The following PDPN variants were observed in gnomAD, a reference collection of about 807,000 sequenced individuals.
PDPN encodes the protein podoplanin.
A neutral mutation model predicts 23.2 loss-of-function variants in PDPN; 12 were observed. That is an observed-to-expected ratio of 0.52 (90% confidence interval 0.33 to 0.84). The LOEUF (loss-of-function observed/expected upper bound fraction) is 0.84, where lower values mean the gene tolerates loss of function less well. PDPN is among the 40% of genes least tolerant of loss of function. The pLI is 0.02. For synonymous variants in PDPN, 77 were observed against 76.7 expected (o/e 1.00, Z -0.02); for missense variants, 199 against 212.2 (o/e 0.94, Z 0.39).
At chr1:13,593,381 G>A (rs981190215) in intron 1 of PDPN, among the ~76,000 whole-genome samples, 16 of 152,278 alleles carry the variant, frequency 1.1e-4, no homozygotes, top group African/African-American at 3.9e-4. Context: ...GAGTGCCAGA[G>A]CTAAGCACTG....
intron 2 of PDPN, among the ~76,000 whole-genome samples, chr1:13,609,237 C>G (rs1383613850): frequency 6.6e-6 from 1 of 152,112 alleles, no homozygotes; most frequent in Non-Finnish European, 1.5e-5. Flanking sequence ...ACAAGGCTAG[C>G]TTGTATTTCT....
At chr1:13,609,106 C>T (rs1640870042) in intron 2 of PDPN, among the ~76,000 whole-genome samples, 1 of 152,130 alleles carries the variant, frequency 6.6e-6, no homozygotes, top group African/African-American at 2.4e-5. Flanking sequence ...GGCTGCTTTC[C>T]TACTGTAAGA....
rs928610404 is a variant in PDPN, at chr1:13,616,665, C to T, written c.*754C>T. ...GACTCTAAGCTTGCTCCCACCTGCCCCCTCCACTTCCCTCAGATGATGAGG... is the reference window on the plus strand; with the variant it reads ...GACTCTAAGCTTGCTCCCACCTGCCTCCTCCACTTCCCTCAGATGATGAGG... On this transcript the variant is annotated 3_prime_UTR_variant, in exon 6 of 6. Transcript: ENST00000621990. The T allele has an allele frequency of 5.9e-5, 9 of 152,352 alleles. No individual in the cohort carries two copies. Among genetic ancestry groups the T allele is most frequent in the African/African-American group, 1.2e-4 (5 of 41,454 alleles). The allele number at this position is 152,352 out of a possible 1,614,324, so 9.4% of individuals were successfully genotyped here.
chr1:13,585,611 T>A (rs1235706147), intron 1 of PDPN: 15 of 1,351,956 alleles, frequency 1.1e-5, no homozygotes, highest in Non-Finnish European at 1.5e-5. Flanking sequence ...TAGCTGTGAT[T>A]CCCTTCAGCC....
chr1:13,587,892 G>A (rs984969062), intron 1 of PDPN, among the ~76,000 whole-genome samples: 1 of 152,210 alleles, frequency 6.6e-6, no homozygotes, highest in Admixed American at 6.5e-5. Context: ...CAGCCAGTCA[G>A]ATGATGGCAA....
At chr1:13,595,236 A>G (rs1223885301) in intron 1 of PDPN, among the ~76,000 whole-genome samples, 1 of 152,190 alleles carries the variant, frequency 6.6e-6, no homozygotes, top group Non-Finnish European at 1.5e-5. Context: ...TTATGTCATA[A>G]GGATCTTATA....
chr1:13,604,459 A>T (rs764647731), intron 1 of PDPN, among the ~76,000 whole-genome samples: 1 of 152,176 alleles, frequency 6.6e-6, no homozygotes, highest in African/African-American at 2.4e-5. Flanking sequence ...CATTCATAAA[A>T]CGCCTTTTGT....
chr1:13,604,546 C>G (rs991350373), intron 1 of PDPN, among the ~76,000 whole-genome samples: 1 of 151,876 alleles, frequency 6.6e-6, no homozygotes, highest in East Asian at 1.9e-4. Context: ...TATAAAGTTA[C>G]GCTTTCAATG....
At position 13,613,624 on chromosome 1, in the gene PDPN, A is replaced by G. The variant is rs74058144; in HGVS notation, c.332-63A>G. 27 of 818,628 alleles carry G rather than the reference A, an allele frequency of 3.3e-5. No individual in the cohort carries two copies. The East Asian group carries it at 5.9e-4, about 18-fold the overall frequency. The allele number at this position is 818,628 out of a possible 1,614,324, so 50.7% of individuals were successfully genotyped here. ...CACTTGGGTAAATTCATCTTTTGCC[A>G]GTTGTTAAATTATAGTTATTAAACC... On this transcript the variant is annotated intron_variant, in intron 3 of 5. Coordinates refer to ENST00000621990, the MANE Select transcript of PDPN (RefSeq NM_006474.5).
At chr1:13,592,643 G>A (rs1180826846) in intron 1 of PDPN, among the ~76,000 whole-genome samples, 6 of 148,954 alleles carry the variant, frequency 4.0e-5, no homozygotes, top group Middle Eastern at 3.4e-3. Context: ...TCCGCTTCCC[G>A]GGTTCAAGTG....
chr1:13,601,221 A>G (rs917306984), intron 1 of PDPN, among the ~76,000 whole-genome samples: 3 of 152,216 alleles, frequency 2.0e-5, no homozygotes, highest in African/African-American at 7.2e-5. Context: ...GAGGGAGCTT[A>G]CAGTGAAGAG....
intron 1 of PDPN, among the ~76,000 whole-genome samples, chr1:13,586,105 C>T (rs1232186755): frequency 6.6e-6 from 1 of 152,094 alleles, no homozygotes; most frequent in Non-Finnish European, 1.5e-5. Flanking sequence ...CAGGAAGGCA[C>T]GTTTTGGGGG....
chr1:13,609,440 G>A (rs910334999), intron 2 of PDPN, among the ~76,000 whole-genome samples: 4 of 151,710 alleles, frequency 2.6e-5, no homozygotes, highest in African/African-American at 9.7e-5. Context: ...TTTTTATTGT[G>A]GTTAAAAAAA....
intron 1 of PDPN, among the ~76,000 whole-genome samples, chr1:13,588,031 G>A (rs898406144): frequency 3.5e-4 from 53 of 152,302 alleles, no homozygotes; most frequent in Middle Eastern, 3.4e-3. Context: ...AAGTCCAGGG[G>A]GAAGTACGCA....
At chr1:13,592,769 C>G (rs1640383061) in intron 1 of PDPN, among the ~76,000 whole-genome samples, 1 of 152,062 alleles carries the variant, frequency 6.6e-6, no homozygotes, top group Non-Finnish European at 1.5e-5. Context: ...AGGCTGGTCT[C>G]AAACTCCCGA....
chr1:13,609,286 C>T (rs533924207), intron 2 of PDPN, among the ~76,000 whole-genome samples: 1 of 152,240 alleles, frequency 6.6e-6, no homozygotes, highest in Non-Finnish European at 1.5e-5. Context: ...ACCCTTTGTA[C>T]TTATTTACCT....
chr1:13,599,296 G>A (rs1640579180), intron 1 of PDPN, among the ~76,000 whole-genome samples: 2 of 150,352 alleles, frequency 1.3e-5, no homozygotes, highest in Admixed American at 1.3e-4. Flanking sequence ...ACAGGCGTAA[G>A]CCACCATGCC....
intron 3 of PDPN, 94 bp from the exon 4 acceptor site, chr1:13,613,593 G>T: frequency 1.4e-6 from 1 of 720,120 alleles, no homozygotes; most frequent in Non-Finnish European, 2.5e-6. Context: ...ATGTTTTGCT[G>T]CTTTCCACTT....
chr1:13,612,222 G>A (rs1344774101), intron 3 of PDPN, among the ~76,000 whole-genome samples: 1 of 152,150 alleles, frequency 6.6e-6, no homozygotes, highest in Non-Finnish European at 1.5e-5. Flanking sequence ...ACTCAGTTTT[G>A]AAGGGGTAAT....
Sources: gnomAD v4.1 joint callset for allele counts (sites outside exome capture counted in the v4.1 genomes callset) on GRCh38, gnomAD v4.1.1 for gene constraint, MANE v1.5 for transcripts, NCBI Gene and HGNC (gene_info 2026-07-23, HGNC 2026-07-21) for gene names.